The following PCCB variants were observed in gnomAD, a reference collection of about 807,000 sequenced individuals.
PCCB encodes the protein propionyl-CoA carboxylase beta chain, mitochondrial.
Under a neutral mutation model 60.7 loss-of-function variants are expected in PCCB, and 43 were observed. The ratio of observed to expected loss-of-function variants is 0.71; its 90% CI spans 0.55 to 0.91. The LOEUF is 0.91. Ranked by LOEUF, PCCB falls within the 40% of genes least tolerant of loss-of-function variation. The pLI, the probability that PCCB is intolerant of heterozygous loss-of-function variation, is 0.00. For synonymous variants in PCCB, 276 were observed against 255.9 expected, an observed-to-expected ratio of 1.08 and a Z score of -0.75; for missense variants, 766 against 702.8, an observed-to-expected ratio of 1.09 and a Z score of -1.02.
intron 5 of PCCB, among the ~76,000 whole-genome samples, chr3:136,262,282 C>CA (rs758206573): frequency 5.9e-5 from 9 of 152,212 alleles, no homozygotes; most frequent in Non-Finnish European, 1.2e-4. Flanking sequence ...GAGGGCCACT[C>CA]ACAGGGGAAA....
intron 8 of PCCB, among the ~76,000 whole-genome samples, chr3:136,299,526 ATGTATATGCATGTGTATAGG>A (rs1934117216): frequency 8.1e-6 from 1 of 123,876 alleles, no homozygotes; most frequent in African/African-American, 3.8e-5. Flanking sequence ...ATGTGTATGT[ATGTATATGCATGTGTATAGG>A]TATGCATGTG....
In PCCB at chr3:136,317,003, T is replaced by A; in HGVS notation, c.1029T>A (p.Gly343=). Residue 343 remains glycine (G), a synonymous_variant, in exon 10 of 15, where the codon GGT becomes GGA. Coordinates refer to ENST00000251654, the MANE Select transcript of PCCB (RefSeq NM_000532.5). ...ATTATGCCAAGAACATCATTGTTGG[T>A]TTTGCAAGAATGAATGGGAGGACTG... is the stretch of plus-strand genomic sequence containing the variant. ...MPNYAKNIIV[G]FARMNGRTVG... is the part of the protein sequence containing the mutation. The A allele has an allele frequency of 6.2e-7, 1 of 1,613,922 alleles. No individual in the cohort carries two copies. Among genetic ancestry groups the A allele is most frequent in the Non-Finnish European group, 8.5e-7 (1 of 1,179,880 alleles).
rs1576353057 is a variant in PCCB at position 136,317,177 on chromosome 3, A to G, written c.1090+113A>G. 9.4e-6 allele frequency: 9 copies of G among 953,688 alleles called. No homozygotes were observed. In the East Asian group the frequency reaches 2.1e-4, roughly 22 times the overall value. 59.1% of individuals were successfully genotyped at this position (953,688 alleles called of 1,614,324 possible). ...TCTTCAGACATGGCCTTCCATGACC[A>G]GAGGAAAAAATCTAAATGGTTGTTA... is the stretch of plus-strand genomic sequence containing the variant. On this transcript the variant is annotated intron_variant, in intron 10 of 14. Transcript: ENST00000251654.
chr3:136,316,468 C>A (rs1174813242), intron 9 of PCCB, among the ~76,000 whole-genome samples: 1 of 151,994 alleles, frequency 6.6e-6, no homozygotes, highest in East Asian at 1.9e-4. Flanking sequence ...GTGCCTGCCA[C>A]CACACCAGGC....
intron 1 of PCCB, among the ~76,000 whole-genome samples, chr3:136,253,066 A>T (rs1429069415): frequency 7.5e-6 from 1 of 133,982 alleles, no homozygotes; most frequent in Non-Finnish European, 1.5e-5. Flanking sequence ...AGAGCTTGGG[A>T]GTCCAAGCAA....
chr3:136,256,103 C>A, intron 2 of PCCB, 128 bp downstream of exon 2: 1 of 1,386,742 alleles, frequency 7.2e-7, no homozygotes, highest in Non-Finnish European at 1.0e-6. Context: ...ACATCAAGCC[C>A]AGATAATTTT....
intron 13 of PCCB, among the ~76,000 whole-genome samples, chr3:136,328,131 C>G (rs909781121): frequency 6.6e-6 from 1 of 152,192 alleles, no homozygotes; most frequent in Non-Finnish European, 1.5e-5. Flanking sequence ...CTTTTAAGCT[C>G]ATAAGAAGCT....
Position 136,326,849 on chromosome 3 carries a change from A to T in PCCB, c.1137A>T (p.Arg379Ser). Reference sequence around the variant, plus strand: ...CTGTGAAAGGGGCTCGTTTTGTCAGATTCTGTGATGCATTCAATATTCCAC... The same window carrying T: ...CTGTGAAAGGGGCTCGTTTTGTCAGTTTCTGTGATGCATTCAATATTCCAC... ...NSSVKGARFV[R>S]FCDAFNIPLI... The change falls in exon 11 of 15, where the codon AGA (arginine) becomes AGT (serine). Residue 379 changes from arginine (R) to serine (S), a missense_variant. Coordinates refer to ENST00000251654, the MANE Select transcript of PCCB (RefSeq NM_000532.5). 6.2e-7 allele frequency: 1 copy of T among 1,613,544 alleles called. No homozygotes were observed. Among genetic ancestry groups the T allele is most frequent in the Non-Finnish European group, 8.5e-7 (1 of 1,179,452 alleles).
chr3:136,260,814 C>A (rs1413180790), intron 4 of PCCB, among the ~76,000 whole-genome samples: 1 of 152,118 alleles, frequency 6.6e-6, no homozygotes, highest in Non-Finnish European at 1.5e-5. Context: ...TTAGAATATA[C>A]GTGCTCCCTT....
chr3:136,258,699 A>G (rs2108141362), intron 3 of PCCB, among the ~76,000 whole-genome samples: 1 of 152,180 alleles, frequency 6.6e-6, no homozygotes, highest in Admixed American at 6.5e-5. Context: ...TTCCTCTTTT[A>G]GGCTAGCGAT....
intron 6 of PCCB, among the ~76,000 whole-genome samples, chr3:136,286,175 A>G (rs1350361817): frequency 6.6e-6 from 1 of 152,226 alleles, no homozygotes; most frequent in African/African-American, 2.4e-5. Flanking sequence ...CATTATGATG[A>G]AAAGGATATT....
At chr3:136,299,422 A>G (rs1934099424) in intron 8 of PCCB, among the ~76,000 whole-genome samples, 1 of 152,004 alleles carries the variant, frequency 6.6e-6, no homozygotes, top group Non-Finnish European at 1.5e-5. Context: ...ATATGTATGT[A>G]TATGTATGCT....
intron 11 of PCCB, 110 bp downstream of exon 11, chr3:136,327,020 G>A (rs764404335): frequency 1.9e-5 from 21 of 1,102,494 alleles, no homozygotes; most frequent in Non-Finnish European, 2.8e-5. Context: ...ACTTCTCCAT[G>A]TATTCTGGGT....
At chr3:136,312,699 T>A (rs1407967233) in intron 9 of PCCB, among the ~76,000 whole-genome samples, 1 of 152,088 alleles carries the variant, frequency 6.6e-6, no homozygotes, top group African/African-American at 2.4e-5. Flanking sequence ...TAGGGGAAGG[T>A]TTAGAAATGC....
chr3:136,308,946 C>G (rs1231558549), intron 9 of PCCB, among the ~76,000 whole-genome samples: 2 of 151,920 alleles, frequency 1.3e-5, no homozygotes, highest in Non-Finnish European at 2.9e-5. Context: ...AATCTGTTTC[C>G]TGAAACAGTA....
chr3:136,309,581 C>T (rs1304044797), intron 9 of PCCB, among the ~76,000 whole-genome samples: 1 of 151,540 alleles, frequency 6.6e-6, no homozygotes, highest in Non-Finnish European at 1.5e-5. Flanking sequence ...GGGAGGATCG[C>T]TTGAAGCCAG....
intron 7 of PCCB, among the ~76,000 whole-genome samples, chr3:136,295,761 T>C (rs1024116606): frequency 2.6e-5 from 4 of 152,220 alleles, no homozygotes; most frequent in African/African-American, 9.6e-5. Context: ...CTTGCAGTCT[T>C]TTCACGCACA....
chr3:136,268,100 A>ATATATATATGTATATG (rs1401260583), intron 5 of PCCB, among the ~76,000 whole-genome samples: 1 of 63,614 alleles, frequency 1.6e-5, no homozygotes, highest in South Asian at 5.8e-4. Flanking sequence ...ATATATATAT[A>ATATATATATGTATATG]TATATATATA....
chr3:136,308,612 T>G (rs1464313304), intron 9 of PCCB, among the ~76,000 whole-genome samples: 1 of 152,170 alleles, frequency 6.6e-6, no homozygotes, highest in African/African-American at 2.4e-5. Context: ...CTTTTGGACT[T>G]TACACCCTGG....
Sources: allele counts gnomAD v4.1 joint callset (sites outside exome capture counted in the v4.1 genomes callset), GRCh38; gene constraint gnomAD v4.1.1; transcripts MANE v1.5; gene names NCBI Gene and HGNC (gene_info 2026-07-23, HGNC 2026-07-21).